Variants in UBE2L3 observed in about 807,000 individuals in gnomAD.
UBE2L3 encodes the protein ubiquitin conjugating enzyme E2 L3.
A neutral mutation model predicts 17.8 loss-of-function variants in UBE2L3; 1 was observed. That is an observed-to-expected ratio of 0.06 (90% confidence interval 0.02 to 0.27). The LOEUF is 0.27. UBE2L3 is among the 10% of genes least tolerant of loss of function. UBE2L3 has a pLI of 1.00. For synonymous variants in UBE2L3, 44 were observed against 68.5 expected, an observed-to-expected ratio of 0.64 and a Z score of 1.76; for missense variants, 40 against 192.6, an observed-to-expected ratio of 0.21 and a Z score of 4.69.
intron 2 of UBE2L3, among the ~76,000 whole-genome samples, chr22:21,608,741 ATTTTTT>A (rs779049247): frequency 1.1e-4 from 12 of 109,858 alleles, no homozygotes; most frequent in Admixed American, 9.4e-4. Context: ...AATATATTTA[ATTTTTT>A]TTTTTTTTTT....
At chr22:21,619,651 A>G (rs1929954931) in intron 3 of UBE2L3, among the ~76,000 whole-genome samples, 1 of 152,206 alleles carries the variant, frequency 6.6e-6, no homozygotes, top group Non-Finnish European at 1.5e-5. Flanking sequence ...CTGTTGAATG[A>G]TTATGCCTTT....
intron 2 of UBE2L3, among the ~76,000 whole-genome samples, chr22:21,605,274 GCGGTGTGATCTTGGCTCACTGCAGC>G (rs1601431724): frequency 6.6e-6 from 1 of 152,126 alleles, no homozygotes; most frequent in East Asian, 1.9e-4. Context: ...GCTCACTGCA[GCGGTGTGATCTTGGCTCACTGCAGC>G]CGGTGCCTCC....
upstream of UBE2L3, among the ~76,000 whole-genome samples, chr22:21,565,410 A>T (rs921225069): frequency 6.6e-6 from 1 of 151,718 alleles, no homozygotes; most frequent in African/African-American, 2.4e-5. Context: ...TATTATTTCC[A>T]GTTCCCTTTC....
chr22:21,589,360 G>A (rs1928132670), intron 1 of UBE2L3, among the ~76,000 whole-genome samples: 1 of 149,704 alleles, frequency 6.7e-6, no homozygotes, highest in African/African-American at 2.5e-5. Flanking sequence ...TGTTAGCCAG[G>A]ATGGTCTTGA....
chr22:21,578,605 A>G (rs1927451718), intron 1 of UBE2L3, among the ~76,000 whole-genome samples: 3 of 152,188 alleles, frequency 2.0e-5, no homozygotes, highest in South Asian at 2.1e-4. Flanking sequence ...AGGCACACCC[A>G]TGTACAGATG....
intron 2 of UBE2L3, among the ~76,000 whole-genome samples, chr22:21,610,410 G>A (rs991689377): frequency 6.6e-6 from 1 of 152,190 alleles, no homozygotes; most frequent in Non-Finnish European, 1.5e-5. Flanking sequence ...CACCAAGTAT[G>A]AGCCCTAACA....
rs113421126 is a variant in UBE2L3, at chr22:21,573,354, C to T, written c.27+5583C>T. Among the ~76,000 whole-genome samples, 5 of 152,266 alleles carry T rather than the reference C, an allele frequency of 3.3e-5. No homozygotes were observed. In the South Asian group the frequency reaches 1.0e-3, roughly 32 times the overall value. On this transcript the variant is annotated intron_variant, in intron 1 of 3. Coordinates refer to ENST00000342192, the MANE Select transcript of UBE2L3 (RefSeq NM_003347.4). ...TCCCCTAAAAACAGCATGCTTTGCACACACACTCTGGATCTCGTGATTGGC... is the reference window on the plus strand; with the variant it reads ...TCCCCTAAAAACAGCATGCTTTGCATACACACTCTGGATCTCGTGATTGGC...
At chr22:21,595,487 G>A (rs1440969259) in intron 2 of UBE2L3, among the ~76,000 whole-genome samples, 1 of 152,202 alleles carries the variant, frequency 6.6e-6, no homozygotes, top group East Asian at 1.9e-4. Flanking sequence ...AGGCATGGCA[G>A]CCCAGCCCTG....
chr22:21,589,686 A>G (rs1186425232), intron 1 of UBE2L3, among the ~76,000 whole-genome samples: 4 of 152,136 alleles, frequency 2.6e-5, no homozygotes, highest in Non-Finnish European at 4.4e-5. Flanking sequence ...ACTTTCTACT[A>G]TGGTATGCTC....
upstream of UBE2L3, chr22:21,567,556 G>T: frequency 7.6e-7 from 1 of 1,311,750 alleles, no homozygotes; most frequent in East Asian, 2.6e-5. Flanking sequence ...TAAACGCTGA[G>T]GCCCAGTCTG....
chr22:21,568,375 C>T (rs1320819673), intron 1 of UBE2L3: 2 of 985,422 alleles, frequency 2.0e-6, no homozygotes, highest in African/African-American at 3.5e-5. Context: ...AGTCACACAG[C>T]GGGTAAGTTC....
chr22:21,602,507 C>G (rs986366275), intron 2 of UBE2L3, among the ~76,000 whole-genome samples: 2 of 152,150 alleles, frequency 1.3e-5, no homozygotes, highest in African/African-American at 4.8e-5. Context: ...TGGGTCTTTA[C>G]TTGGGAAGGG....
intron 1 of UBE2L3, among the ~76,000 whole-genome samples, chr22:21,584,319 A>G (rs1927817536): frequency 6.6e-6 from 1 of 151,202 alleles, no homozygotes; most frequent in Non-Finnish European, 1.5e-5. Context: ...CTGGGACTAC[A>G]GGTGTCACCA....
rs1204505613 is a variant in UBE2L3, at chr22:21,622,411, G to A, written c.*742G>A. On this transcript the variant is annotated 3_prime_UTR_variant, in exon 4 of 4. Transcript: ENST00000342192. ...ATAATCACAGGTCTGTGGTGGCCCC[G>A]AAATGGGGGGCCTGCTAGTCAGGAG... The A allele has an allele frequency of 2.0e-5, 3 of 152,850 alleles. No homozygotes were observed. The highest frequency in any genetic ancestry group is 2.9e-5 in the Non-Finnish European group (2 of 68,116). The allele number at this position is 152,850 out of a possible 1,614,324, so 9.5% of individuals were successfully genotyped here. A position where few individuals can be genotyped will look rare whatever the true frequency, so the allele number is the denominator to read the frequency against.
intron 1 of UBE2L3, among the ~76,000 whole-genome samples, chr22:21,558,573 G>A (rs2148390139): frequency 6.6e-6 from 1 of 150,764 alleles, no homozygotes; most frequent in Middle Eastern, 3.4e-3. Context: ...AGAGCTTGCA[G>A]TGAGCCAAGA....
At chr22:21,610,622 T>C (rs751490584) in intron 2 of UBE2L3, among the ~76,000 whole-genome samples, 2 of 152,160 alleles carry the variant, frequency 1.3e-5, no homozygotes, top group African/African-American at 2.4e-5. Context: ...GTCTATTTTT[T>C]AAAAAAGTAT....
rs201000210 is a variant in UBE2L3 at position 21,587,199 on chromosome 22, C to CTT, written c.28-5653_28-5652dup. On this transcript the variant is annotated intron_variant, in intron 1 of 3. Transcript: ENST00000342192. ...CCACGCCTGGCGCTGGCATAGATTC[C>CTT]TTTTTTTTTTGAGACGAAGTCTTGC... Among the ~76,000 whole-genome samples the CTT allele has an allele frequency of 4.1e-5, 6 of 145,934 alleles. No homozygotes were observed. In the South Asian group the frequency reaches 8.7e-4, roughly 21 times the overall value.
intron 1 of UBE2L3, among the ~76,000 whole-genome samples, chr22:21,589,498 G>T (rs1238137577): frequency 6.6e-6 from 1 of 152,176 alleles, no homozygotes; most frequent in African/African-American, 2.4e-5. Flanking sequence ...GTCTTGTGCA[G>T]TGCAGGTCTT....
chr22:21,609,569 GT>G (rs1929364787), intron 2 of UBE2L3, among the ~76,000 whole-genome samples: 1 of 152,048 alleles, frequency 6.6e-6, no homozygotes, highest in South Asian at 2.1e-4. Flanking sequence ...TTAGCTGGGG[GT>G]GGTGGTGCCT....
Sources: gnomAD v4.1 joint callset for allele counts (sites outside exome capture counted in the v4.1 genomes callset) on GRCh38, gnomAD v4.1.1 for gene constraint, MANE v1.5 for transcripts, NCBI Gene and HGNC (gene_info 2026-07-23, HGNC 2026-07-21) for gene names.